The following PWWP3A variants were observed in gnomAD, a reference collection of about 807,000 sequenced individuals.
PWWP3A encodes PWWP domain containing 3A, DNA repair factor.
A neutral mutation model predicts 79.0 loss-of-function variants in PWWP3A; 53 were observed. That is an observed-to-expected ratio of 0.67 (90% CI 0.54 to 0.84). PWWP3A has a LOEUF of 0.84. Ranked by LOEUF, PWWP3A falls within the 40% of genes least tolerant of loss-of-function variation. The probability of loss-of-function intolerance (pLI) is 0.00; values close to 1 mark genes in which losing one functional copy is unlikely to be tolerated. For missense variants in PWWP3A, 973 were observed against 948.0 expected (o/e 1.03, Z -0.35); for synonymous variants, 443 against 394.4 (o/e 1.12, Z -1.46).
At position 1,358,696 on chromosome 19, in the gene PWWP3A, C is replaced by G. The variant is rs913168174; in HGVS notation, c.214+232C>G. The stretch of plus-strand genomic sequence containing the variant: ...TCCTATTCTTGACGCCCAGAATGGT[C>G]AGTGGTGAGCATCAAGGTCATCTCG... On this transcript the variant is annotated intron_variant, in intron 4 of 13. Transcript: ENST00000591337. 4.6e-6 allele frequency: 7 copies of G among 1,516,190 alleles called. No individual in the cohort carries two copies. The Admixed American group carries it at 1.4e-4, about 30-fold the overall frequency. The allele number at this position is 1,516,190 out of a possible 1,614,324, so 93.9% of individuals were successfully genotyped here.
At chr19:1,359,039 A>G (rs2081951372) in intron 4 of PWWP3A, 1 of 293,850 alleles carries the variant, frequency 3.4e-6, no homozygotes, top group Admixed American at 4.0e-5. Flanking sequence ...GCTTTCTCCC[A>G]GGCCTTCAGT....
chr19:1,367,999 A>T (rs1487093528), intron 9 of PWWP3A, among the ~76,000 whole-genome samples: 1 of 152,124 alleles, frequency 6.6e-6, no homozygotes, highest in Non-Finnish European at 1.5e-5. Flanking sequence ...ATCTCAGCTC[A>T]CTGCAACCTC....
Position 1,356,313 on chromosome 19 carries a change from T to C in PWWP3A, c.-69-11T>C. 1 of 1,439,490 alleles carries C rather than the reference T, an allele frequency of 6.9e-7. No homozygotes were observed. The highest frequency in any genetic ancestry group is 9.8e-7 in the Non-Finnish European group (1 of 1,022,284). 89.2% of individuals were successfully genotyped at this position (1,439,490 alleles called of 1,614,324 possible). On this transcript the variant is annotated splice_polypyrimidine_tract_variant and intron_variant, in intron 1 of 13. Coordinates refer to ENST00000591337, the MANE Select transcript of PWWP3A (RefSeq NM_001369789.1). ...ACAGTTGTATAAACCACCGTGCAAA[T>C]TTCGTTCCAGGACACATTGGCGTGA...
chr19:1,371,038 G>A lies in PWWP3A; in HGVS notation c.1946G>A (p.Gly649Asp). The change falls in exon 12 of 14, where the codon GGC becomes GAC. Residue 649 changes from glycine (G) to aspartate (D), a missense_variant. Gly to Asp is a moderately conservative substitution (Grantham distance 94). Coordinates refer to ENST00000591337, the MANE Select transcript of PWWP3A (RefSeq NM_001369789.1). ...VGAKVLQRTN[G>D]DRIRFILDVL... The stretch of plus-strand genomic sequence containing the variant: ...GCCAAGGTGCTCCAGCGCACCAACG[G>A]CGACCGGATCCGGTTCATTCTGGAC... 1.3e-6 allele frequency: 2 copies of A among 1,573,550 alleles called. No homozygotes were observed.
intron 11 of PWWP3A, among the ~76,000 whole-genome samples, 183 bp from the exon 12 acceptor site, chr19:1,370,459 G>C (rs1212479716): frequency 1.3e-5 from 2 of 152,142 alleles, no homozygotes; most frequent in East Asian, 3.9e-4. Flanking sequence ...GGAAAGGCCG[G>C]GGGTCCCAGC....
chr19:1,360,377 G>C lies in PWWP3A; in HGVS notation c.456G>C (p.Arg152Ser). 1 of 1,614,144 alleles carries C rather than the reference G, an allele frequency of 6.2e-7. No homozygotes were observed. The change falls in exon 5 of 14, where the codon AGG becomes AGC. Residue 152 changes from arginine (R) to serine (S), a missense_variant. Physicochemically the swap from Arg to Ser is moderately radical, Grantham distance 110 (BLOSUM62 -1). Transcript: ENST00000591337. This position sits in a 1 kb window ranked among gnomAD's most constrained non-coding sequence, Gnocchi z 4.4. ...TGGGCAGTTCCAGACCTCACAGGAG[G>C]AGGCCATGTGTGCAACAAAGCCTGT... ...DVLGSSRPHRRRPCVQQSLSS... is the reference protein window; with the variant it reads ...DVLGSSRPHRSRPCVQQSLSS...
At chr19:1,355,569 C>T (rs1360713835) in intron 1 of PWWP3A, among the ~76,000 whole-genome samples, 1 of 141,284 alleles carries the variant, frequency 7.1e-6, no homozygotes, top group Non-Finnish European at 1.5e-5. Flanking sequence ...GCTCCCTGAG[C>T]CCCCCCGCTT....
chr19:1,369,485 T>G lies in PWWP3A; in HGVS notation c.1499-111T>G. 2 of 1,505,498 alleles carry G rather than the reference T, an allele frequency of 1.3e-6. No homozygotes were observed. Among genetic ancestry groups the G allele is most frequent in the Non-Finnish European group, 1.8e-6 (2 of 1,083,870 alleles). The allele number at this position is 1,505,498 out of a possible 1,614,324, so 93.3% of individuals were successfully genotyped here. ...ATTCCCTGTGGGTGGGCTGGGGTTC[T>G]GGCCTGGCCTGATTATTTCCTAAAC... On this transcript the variant is annotated intron_variant, in intron 10 of 13. Coordinates refer to ENST00000591337, the MANE Select transcript of PWWP3A (RefSeq NM_001369789.1). The surrounding 1 kb of genome is among the most constrained non-coding windows in gnomAD (Gnocchi z 4.0).
rs1409483258 is a variant in PWWP3A, at chr19:1,360,135, G to A, written c.215-1G>A. The stretch of plus-strand genomic sequence containing the variant: ...GCATTGTGTATGTTCGGTCCTTGCA[G>A]CCTCACAGAATGAGGTTCCTGCGGC... On this transcript the variant is annotated splice_acceptor_variant, in intron 4 of 13. Coordinates refer to ENST00000591337, the MANE Select transcript of PWWP3A (RefSeq NM_001369789.1). LOFTEE classifies it high-confidence loss of function. This position sits in a 1 kb window ranked among gnomAD's most constrained non-coding sequence, Gnocchi z 4.4. 1 of 1,550,328 alleles carries A rather than the reference G, an allele frequency of 6.5e-7. No individual in the cohort carries two copies. The highest frequency in any genetic ancestry group is 1.4e-5 in the African/African-American group (1 of 72,768).
chr19:1,371,360 C>A, intron 12 of PWWP3A: 1 of 703,574 alleles, frequency 1.4e-6, no homozygotes, highest in Non-Finnish European at 2.6e-6. Context: ...CTCCCTACTG[C>A]GGGCGCACAG....
chr19:1,375,934 C>T (rs953098832), intron 13 of PWWP3A, among the ~76,000 whole-genome samples: 4 of 149,712 alleles, frequency 2.7e-5, no homozygotes, highest in Non-Finnish European at 4.4e-5. Flanking sequence ...CTCAGCCTCC[C>T]GAGTGGCTAG....
chr19:1,371,364 C>T (rs560956429), intron 12 of PWWP3A: 18 of 703,300 alleles, frequency 2.6e-5, no homozygotes, highest in African/African-American at 7.0e-5. Flanking sequence ...CTACTGCGGG[C>T]GCACAGATGC....
At chr19:1,373,299 T>C (rs1256939535) in intron 13 of PWWP3A, 139 bp downstream of exon 13, 3 of 714,536 alleles carry the variant, frequency 4.2e-6, no homozygotes, top group East Asian at 5.4e-5. Context: ...GGTGGTGAGC[T>C]GATCACATAC....
intron 13 of PWWP3A, among the ~76,000 whole-genome samples, chr19:1,376,150 G>C (rs539191447): frequency 1.5e-5 from 2 of 129,752 alleles, no homozygotes; most frequent in East Asian, 2.2e-4. Flanking sequence ...TTTAGAGACA[G>C]AATTTAGCTC....
rs1472322739 is a variant in PWWP3A at position 1,376,599 on chromosome 19, A to G, written c.*23A>G. The G allele has an allele frequency of 6.2e-7, 1 of 1,612,786 alleles. No homozygotes were observed. The highest frequency in any genetic ancestry group is 8.5e-7 in the Non-Finnish European group (1 of 1,179,622). The stretch of plus-strand genomic sequence containing the variant: ...TGAGGGAGCAGCCGGCTGTGCTGTC[A>G]GCGGGGCCTGGCGGTGGAAGCGCCT... On this transcript the variant is annotated 3_prime_UTR_variant, in exon 14 of 14. Transcript: ENST00000591337.
intron 4 of PWWP3A, 179 bp downstream of exon 4, chr19:1,358,643 C>T: frequency 1.3e-6 from 2 of 1,535,798 alleles, no homozygotes; most frequent in African/African-American, 1.4e-5. Context: ...CTTTCTTAAA[C>T]CTTTCCAGAA....
rs1289692640 is a variant in PWWP3A at position 1,366,596 on chromosome 19, G to T, written c.1361+215G>T. Among the ~76,000 whole-genome samples, 9 of 152,342 alleles carry T rather than the reference G, an allele frequency of 5.9e-5. No homozygotes were observed. The East Asian group carries it at 1.7e-3, about 29-fold the overall frequency. Reference sequence around the variant, plus strand: ...GTCAGACAGAGGCTGGGTGTGAAGGGTCTGGTCAAACACCCCAGTTTTCAC... The same window carrying T: ...GTCAGACAGAGGCTGGGTGTGAAGGTTCTGGTCAAACACCCCAGTTTTCAC... On this transcript the variant is annotated intron_variant, in intron 8 of 13. Coordinates refer to ENST00000591337, the MANE Select transcript of PWWP3A (RefSeq NM_001369789.1).
At position 1,360,741 on chromosome 19, in the gene PWWP3A, G is replaced by A. The variant is rs781597505; in HGVS notation, c.820G>A (p.Gly274Ser). 12 of 1,612,620 alleles carry A rather than the reference G, an allele frequency of 7.4e-6. No individual in the cohort carries two copies. The highest frequency in any genetic ancestry group is 6.7e-5 in the Admixed American group (4 of 59,972). Residue 274 changes from glycine (G) to serine (S), a missense_variant, in exon 5 of 14, where the codon GGT becomes AGT. Physicochemically the swap from Gly to Ser is moderately conservative, Grantham distance 56. Transcript: ENST00000591337. The surrounding 1 kb of genome is among the most constrained non-coding windows in gnomAD (Gnocchi z 4.4). ...PCANAEGHDP[G>S]LPLGSLTAPP... ...TGCCAACGCTGAGGGACACGACCCC[G>A]GTCTGCCGTTGGGCAGCCTCACTGC...
Position 1,369,651 on chromosome 19 carries a change from G to A in PWWP3A, c.1549+5G>A. The A allele has an allele frequency of 5.0e-6, 8 of 1,614,204 alleles. No individual in the cohort carries two copies. Among genetic ancestry groups the A allele is most frequent in the Non-Finnish European group, 6.8e-6 (8 of 1,180,008 alleles). On this transcript the variant is annotated splice_donor_5th_base_variant and intron_variant, in intron 11 of 13. Transcript: ENST00000591337. This position sits in a 1 kb window ranked among gnomAD's most constrained non-coding sequence, Gnocchi z 4.0. ...AATATTACGCGGCTGATATAAGTAAGTCTACAGGCACATCTTGGAAAATGT... is the reference window on the plus strand; with the variant it reads ...AATATTACGCGGCTGATATAAGTAAATCTACAGGCACATCTTGGAAAATGT...
Sources: gnomAD v4.1 joint callset for allele counts (sites outside exome capture counted in the v4.1 genomes callset) on GRCh38, gnomAD v4.1.1 for gene constraint, Gnocchi (gnomAD v3.1) non-coding constraint, MANE v1.5 for transcripts, NCBI Gene and HGNC (gene_info 2026-07-23, HGNC 2026-07-21) for gene names.